The following EPM2AIP1 variants were observed in gnomAD, a reference collection of about 807,000 sequenced individuals.
EPM2AIP1 encodes the protein EPM2A interacting protein 1.
A neutral mutation model predicts 44.8 loss-of-function variants in EPM2AIP1; 23 were observed. The observed-to-expected ratio is 0.51, with a 90% CI of 0.37 to 0.73. EPM2AIP1 has a LOEUF of 0.73. Among genes scored for constraint, EPM2AIP1 ranks in the 30% least tolerant of loss-of-function variants. The probability of loss-of-function intolerance (pLI) is 0.00; values close to 1 mark genes in which losing one functional copy is unlikely to be tolerated. For missense variants in EPM2AIP1, 652 were observed against 743.9 expected, an observed-to-expected ratio of 0.88 and a Z score of 1.44; for synonymous variants, 311 against 284.3, an observed-to-expected ratio of 1.09 and a Z score of -0.94.
At position 36,992,653 on chromosome 3, in the gene EPM2AIP1, C is replaced by A; in HGVS notation, c.425G>T (p.Gly142Val). 1 of 1,614,022 alleles carries A rather than the reference C, an allele frequency of 6.2e-7. No individual in the cohort carries two copies. Among genetic ancestry groups the A allele is most frequent in the South Asian group, 1.1e-5 (1 of 91,088 alleles). Residue 142 changes from glycine to valine, a missense_variant, in exon 1 of 1, where the codon GGC becomes GTC. Coordinates refer to ENST00000322716, the MANE Select transcript of EPM2AIP1 (RefSeq NM_014805.4). This position sits in a 1 kb window ranked among gnomAD's most constrained non-coding sequence, Gnocchi z 5.3. ...TGTGATATCTGGAGATAAGTCAACG[C>A]CTTGCAGGACGCTTACATGCTCGGG... ...VLPEHVSVLQ[G>V]VDLSPDITRQ... is the part of the protein sequence containing the mutation.
Position 36,990,552 on chromosome 3 carries a change from A to AT in EPM2AIP1, c.*701dup, listed in dbSNP as rs1389877695. On this transcript the variant is annotated 3_prime_UTR_variant, in exon 1 of 1. Transcript: ENST00000322716. ...ATAGCCCCCAGTTATTAAAAAAAAA[A>AT]TCCAAGGAAAACCCCCAATAATTAG... is the stretch of plus-strand genomic sequence containing the variant. 1.0e-6 allele frequency: 1 copy of AT among 985,462 alleles called. No homozygotes were observed. The highest frequency in any genetic ancestry group is 1.2e-6 in the Non-Finnish European group (1 of 829,772). The allele number at this position is 985,462 out of a possible 1,614,324, so 61.0% of individuals were successfully genotyped here.
Position 36,993,111 on chromosome 3 carries a change from A to T in EPM2AIP1, c.-34T>A, listed in dbSNP as rs2080853148. ...AGGCCACAAGAGCAGGGCCAACGTT[A>T]GAAAGGCCGCAAGGGGAGAGGAGGA... On this transcript the variant is annotated 5_prime_UTR_variant, in exon 1 of 1. Coordinates refer to ENST00000322716, the MANE Select transcript of EPM2AIP1 (RefSeq NM_014805.4). The T allele has an allele frequency of 6.4e-7, 1 of 1,566,222 alleles. No homozygotes were observed. Among genetic ancestry groups the T allele is most frequent in the Admixed American group, 1.8e-5 (1 of 54,072 alleles).
chr3:36,985,833 A>T lies in EPM2AIP1; in HGVS notation c.*5421T>A, dbSNP rs1194798584. On this transcript the variant is annotated 3_prime_UTR_variant, in exon 1 of 1. Coordinates refer to ENST00000322716, the MANE Select transcript of EPM2AIP1 (RefSeq NM_014805.4). ...CTCAGCTGTGCCATTGTAGAACCAA[A>T]GTAGCCACAGATAATAAATAAATGG... is the stretch of plus-strand genomic sequence containing the variant. 1 of 152,232 alleles carries T rather than the reference A, an allele frequency of 6.6e-6. No individual in the cohort carries two copies. The highest frequency in any genetic ancestry group is 2.4e-5 in the African/African-American group (1 of 41,470). 9.4% of individuals were successfully genotyped at this position (152,232 alleles called of 1,614,324 possible). A position where few individuals can be genotyped will look rare whatever the true frequency, so the allele number is the denominator to read the frequency against.
At position 36,990,574 on chromosome 3, in the gene EPM2AIP1, T is replaced by C; in HGVS notation, c.*680A>G. ...AAAATCCAAGGAAAACCCCCAATAA[T>C]TAGTCTTATCTCCAAATTGCATGAA... On this transcript the variant is annotated 3_prime_UTR_variant, in exon 1 of 1. Transcript: ENST00000322716. The C allele has an allele frequency of 1.5e-5, 15 of 985,554 alleles. No homozygotes were observed. The highest frequency in any genetic ancestry group is 1.8e-5 in the Non-Finnish European group (15 of 829,786). The allele number at this position is 985,554 out of a possible 1,614,324, so 61.1% of individuals were successfully genotyped here.
In EPM2AIP1 at chr3:36,991,749, C is replaced by T. The variant is rs761152116; in HGVS notation, c.1329G>A (p.Glu443=). The T allele has an allele frequency of 6.2e-7, 1 of 1,613,772 alleles. No homozygotes were observed. The highest frequency in any genetic ancestry group is 1.1e-5 in the South Asian group (1 of 91,068). ...CATCTTCCTTATTTTGCTGTTTTAGCTCATCAACAACTTCTCTGAGGGCAG... is the reference window on the plus strand; with the variant it reads ...CATCTTCCTTATTTTGCTGTTTTAGTTCATCAACAACTTCTCTGAGGGCAG... ...DFPALREVVD[E]LKQQNKEDEK... Residue 443 remains glutamate, a synonymous_variant, in exon 1 of 1, where the codon GAG becomes GAA. Coordinates refer to ENST00000322716, the MANE Select transcript of EPM2AIP1 (RefSeq NM_014805.4).
chr3:36,991,580 G>A lies in EPM2AIP1; in HGVS notation c.1498C>T (p.Pro500Ser). 2 of 1,613,468 alleles carry A rather than the reference G, an allele frequency of 1.2e-6. No homozygotes were observed. Among genetic ancestry groups the A allele is most frequent in the South Asian group, 1.1e-5 (1 of 91,036 alleles). Reference sequence around the variant, plus strand: ...GTTAGCTCCACCCTCACTGAAATAGGTGCATATTCAGGTTTAAAGTTAAAT... The same window carrying A: ...GTTAGCTCCACCCTCACTGAAATAGATGCATATTCAGGTTTAAAGTTAAAT... ...NPFNFKPEYA[P>S]ISVRVELTKL... Residue 500 changes from proline (P) to serine (S), a missense_variant, in exon 1 of 1, where the codon CCT becomes TCT. Coordinates refer to ENST00000322716, the MANE Select transcript of EPM2AIP1 (RefSeq NM_014805.4).
At position 36,987,943 on chromosome 3, in the gene EPM2AIP1, T is replaced by A. The variant is rs1242794075; in HGVS notation, c.*3311A>T. 1 of 152,232 alleles carries A rather than the reference T, an allele frequency of 6.6e-6. No individual in the cohort carries two copies. Among genetic ancestry groups the A allele is most frequent in the Non-Finnish European group, 1.5e-5 (1 of 68,036 alleles). 9.4% of individuals were successfully genotyped at this position (152,232 alleles called of 1,614,324 possible). A position where few individuals can be genotyped will look rare whatever the true frequency, so the allele number is the denominator to read the frequency against. On this transcript the variant is annotated 3_prime_UTR_variant, in exon 1 of 1. Coordinates refer to ENST00000322716, the MANE Select transcript of EPM2AIP1 (RefSeq NM_014805.4). The stretch of plus-strand genomic sequence containing the variant: ...GATATAACAGTGAACAAGGCTTATA[T>A]GGTCCCTGCCCTTACAAAGCTTACA...
rs751317882 is a variant in EPM2AIP1 at position 36,992,412 on chromosome 3, C to T, written c.666G>A (p.Ala222=). The change falls in exon 1 of 1, where the codon GCG becomes GCA. Residue 222 remains alanine, a synonymous_variant. Coordinates refer to ENST00000322716, the MANE Select transcript of EPM2AIP1 (RefSeq NM_014805.4). This position sits in a 1 kb window ranked among gnomAD's most constrained non-coding sequence, Gnocchi z 5.3. ...GGGACTCTAGGATTGCCGACATGAGCGCACCAACACTGAAATGATGAGTCA... is the reference window on the plus strand; with the variant it reads ...GGGACTCTAGGATTGCCGACATGAGTGCACCAACACTGAAATGATGAGTCA... ...INLTHHFSVG[A]LMSAILESLQ... 38 of 1,613,824 alleles carry T rather than the reference C, an allele frequency of 2.4e-5. No homozygotes were observed. Among genetic ancestry groups the T allele is most frequent in the Non-Finnish European group, 3.1e-5 (36 of 1,179,898 alleles).
In EPM2AIP1 at chr3:36,986,167, G is replaced by T. The variant is rs188481028; in HGVS notation, c.*5087C>A. On this transcript the variant is annotated 3_prime_UTR_variant, in exon 1 of 1. Transcript: ENST00000322716. ...GATGGAAGAAATAACTTACACAAGG[G>T]TAATTTATATTATGGAAAGGTGAAA... The T allele has an allele frequency of 1.1e-4, 16 of 152,276 alleles. No individual in the cohort carries two copies. The highest frequency in any genetic ancestry group is 1.6e-4 in the Non-Finnish European group (11 of 68,032). 9.4% of individuals were successfully genotyped at this position (152,276 alleles called of 1,614,324 possible).
chr3:36,992,865 G>T lies in EPM2AIP1; in HGVS notation c.213C>A (p.Asp71Glu). 1 of 1,610,544 alleles carries T rather than the reference G, an allele frequency of 6.2e-7. No homozygotes were observed. Among genetic ancestry groups the T allele is most frequent in the Non-Finnish European group, 8.5e-7 (1 of 1,179,310 alleles). ...EHEYYERYVA[D>E]GERAALVERL... ...GCTCCACCAGGGCCGCGCGCTCGCC[G>T]TCCGCCACATACCGCTCGTAGTATT... The change falls in exon 1 of 1, where the codon GAC (aspartate) becomes GAA (glutamate). Residue 71 changes from aspartate to glutamate, a missense_variant. Transcript: ENST00000322716. This position sits in a 1 kb window ranked among gnomAD's most constrained non-coding sequence, Gnocchi z 5.3.
rs1176224454 is a variant in EPM2AIP1 at position 36,989,181 on chromosome 3, G to A, written c.*2073C>T. 2.6e-5 allele frequency: 4 copies of A among 151,710 alleles called. No homozygotes were observed. Among genetic ancestry groups the A allele is most frequent in the Admixed American group, 2.6e-4 (4 of 15,242 alleles). 9.4% of individuals were successfully genotyped at this position (151,710 alleles called of 1,614,324 possible). ...ACAAGATTTCAATATTTAAGGAACTGGGGTTAGAAAGCAGAAGTGGCTTTC... is the reference window on the plus strand; with the variant it reads ...ACAAGATTTCAATATTTAAGGAACTAGGGTTAGAAAGCAGAAGTGGCTTTC... On this transcript the variant is annotated 3_prime_UTR_variant, in exon 1 of 1. Coordinates refer to ENST00000322716, the MANE Select transcript of EPM2AIP1 (RefSeq NM_014805.4).
chr3:36,992,830 T>C lies in EPM2AIP1; in HGVS notation c.248A>G (p.Gln83Arg), dbSNP rs1483490079. 1.2e-6 allele frequency: 2 copies of C among 1,611,838 alleles called. No individual in the cohort carries two copies. The highest frequency in any genetic ancestry group is 8.5e-7 in the Non-Finnish European group (1 of 1,179,690). The change falls in exon 1 of 1, where the codon CAG becomes CGG. Residue 83 changes from glutamine to arginine, a missense_variant. By Grantham distance (43) the Gln-to-Arg change is conservative. Transcript: ENST00000322716. The surrounding 1 kb of genome is among the most constrained non-coding windows in gnomAD (Gnocchi z 5.3). ...GAAGGAGGCCACGGGCAAGTCGCCC[T>C]GACGCAGACGCTCCACCAGGGCCGC... Reference protein sequence around the residue: ...ERAALVERLRQGDLPVASFTP... With the variant: ...ERAALVERLRRGDLPVASFTP...
In EPM2AIP1 at chr3:36,991,183, GA is replaced by G; in HGVS notation, c.*70del. ...TCTCACAATCCAAATTAGTAAACTT[GA>G]AAACTCAAACCAATTTTTGCTTTTA... On this transcript the variant is annotated 3_prime_UTR_variant, in exon 1 of 1. Coordinates refer to ENST00000322716, the MANE Select transcript of EPM2AIP1 (RefSeq NM_014805.4). The G allele has an allele frequency of 6.7e-7, 1 of 1,496,488 alleles. No homozygotes were observed. Among genetic ancestry groups the G allele is most frequent in the Non-Finnish European group, 8.9e-7 (1 of 1,121,666 alleles). The allele number at this position is 1,496,488 out of a possible 1,614,324, so 92.7% of individuals were successfully genotyped here.
At position 36,991,277 on chromosome 3, in the gene EPM2AIP1, C is replaced by G; in HGVS notation, c.1801G>C (p.Glu601Gln). ...MEPGWDDLVR[E>Q]RNESNP ...CCTTATGGATTAGATTCATTTCTTT[C>G]TCTCACAAGGTCATCCCAACCGGGC... The change falls in exon 1 of 1, where the codon GAA (glutamate) becomes CAA (glutamine). Residue 601 changes from glutamate (E) to glutamine (Q), a missense_variant. Coordinates refer to ENST00000322716, the MANE Select transcript of EPM2AIP1 (RefSeq NM_014805.4). 2 of 1,607,126 alleles carry G rather than the reference C, an allele frequency of 1.2e-6. No homozygotes were observed. The highest frequency in any genetic ancestry group is 2.2e-5 in the South Asian group (2 of 90,798).
In EPM2AIP1 at chr3:36,989,103, A is replaced by C. The variant is rs1302118633; in HGVS notation, c.*2151T>G. 2 of 151,538 alleles carry C rather than the reference A, an allele frequency of 1.3e-5. No individual in the cohort carries two copies. Among genetic ancestry groups the C allele is most frequent in the East Asian group, 1.9e-4 (1 of 5,180 alleles). The allele number at this position is 151,538 out of a possible 1,614,324, so 9.4% of individuals were successfully genotyped here. A position where few individuals can be genotyped will look rare whatever the true frequency, so the allele number is the denominator to read the frequency against. On this transcript the variant is annotated 3_prime_UTR_variant, in exon 1 of 1. Coordinates refer to ENST00000322716, the MANE Select transcript of EPM2AIP1 (RefSeq NM_014805.4). Reference sequence around the variant, plus strand: ...CCCTCACTCAATGACTACATGATGCAAACTAATTTTATTAACACCTTAAGC... The same window carrying C: ...CCCTCACTCAATGACTACATGATGCCAACTAATTTTATTAACACCTTAAGC...
rs561628513 is a variant in EPM2AIP1 at position 36,991,073 on chromosome 3, T to A, written c.*181A>T. 88 of 1,323,108 alleles carry A rather than the reference T, an allele frequency of 6.7e-5. No homozygotes were observed. The East Asian group carries it at 2.0e-3, about 30-fold the overall frequency. The allele number at this position is 1,323,108 out of a possible 1,614,324, so 82.0% of individuals were successfully genotyped here. A position where few individuals can be genotyped will look rare whatever the true frequency, so the allele number is the denominator to read the frequency against. On this transcript the variant is annotated 3_prime_UTR_variant, in exon 1 of 1. Coordinates refer to ENST00000322716, the MANE Select transcript of EPM2AIP1 (RefSeq NM_014805.4). ...AAAAGGTGGCATTCTCATGTTTCAG[T>A]CCCATGCTGCCATTTGAGATGAAAA... is the stretch of plus-strand genomic sequence containing the variant.
In EPM2AIP1 at chr3:36,986,222, T is replaced by G. The variant is rs2080768418; in HGVS notation, c.*5032A>C. On this transcript the variant is annotated 3_prime_UTR_variant, in exon 1 of 1. Transcript: ENST00000322716. The stretch of plus-strand genomic sequence containing the variant: ...CCCTTGAGATAACCTGAAAGGCAGA[T>G]CATCTACCCTTTACTAAAGAAAAAG... The G allele has an allele frequency of 6.6e-6, 1 of 152,216 alleles. No homozygotes were observed. Among genetic ancestry groups the G allele is most frequent in the South Asian group, 2.1e-4 (1 of 4,836 alleles). The allele number at this position is 152,216 out of a possible 1,614,324, so 9.4% of individuals were successfully genotyped here.
In EPM2AIP1 at chr3:36,988,986, TC is replaced by T. The variant is rs1258217123; in HGVS notation, c.*2267del. 4 of 137,048 alleles carry T rather than the reference TC, an allele frequency of 2.9e-5. No individual in the cohort carries two copies. The highest frequency in any genetic ancestry group is 4.5e-5 in the Non-Finnish European group (3 of 66,426). 8.5% of individuals were successfully genotyped at this position (137,048 alleles called of 1,614,324 possible). On this transcript the variant is annotated 3_prime_UTR_variant, in exon 1 of 1. Coordinates refer to ENST00000322716, the MANE Select transcript of EPM2AIP1 (RefSeq NM_014805.4). ...ACAGTAAAATACACTTTTTTCTTTTTCTTTTTTTTTTTTTTTTTTTACAAAC... is the reference window on the plus strand; with the variant it reads ...ACAGTAAAATACACTTTTTTCTTTTTTTTTTTTTTTTTTTTTTTTACAAAC...
At position 36,989,509 on chromosome 3, in the gene EPM2AIP1, T is replaced by C. The variant is rs1209615973; in HGVS notation, c.*1745A>G. ...TGAGCTAACAGAACTTATCAATGCC[T>C]TTATTGCACTTTACTAGCCAAATTT... On this transcript the variant is annotated 3_prime_UTR_variant, in exon 1 of 1. Coordinates refer to ENST00000322716, the MANE Select transcript of EPM2AIP1 (RefSeq NM_014805.4). The C allele has an allele frequency of 6.6e-6, 1 of 152,004 alleles. No homozygotes were observed. The highest frequency in any genetic ancestry group is 2.4e-5 in the African/African-American group (1 of 41,388). 9.4% of individuals were successfully genotyped at this position (152,004 alleles called of 1,614,324 possible).
Sources: allele counts gnomAD v4.1 joint callset, GRCh38; gene constraint gnomAD v4.1.1; non-coding constraint Gnocchi (gnomAD v3.1); transcripts MANE v1.5; gene names NCBI Gene and HGNC (gene_info 2026-07-23, HGNC 2026-07-21).